The following FAM174B variants were observed in gnomAD, a reference collection of about 807,000 sequenced individuals.
FAM174B encodes the protein membrane protein FAM174B.
Under a neutral mutation model 10.9 loss-of-function variants are expected in FAM174B, and 12 were observed. The observed-to-expected ratio is 1.10, with a 90% CI of 0.71 to 1.79. The LOEUF is 1.79. Ranked by LOEUF, FAM174B falls within the 40% of genes most tolerant of loss-of-function variation. The pLI is 0.00. For missense variants in FAM174B, 266 were observed against 233.3 expected (o/e 1.14, Z -0.91); for synonymous variants, 132 against 115.8 (o/e 1.14, Z -0.90).
chr15:92,630,388 G>A (rs776020430), intron 1 of FAM174B, 43 bp from the exon 2 acceptor site: 1 of 1,565,362 alleles, frequency 6.4e-7, no homozygotes, highest in East Asian at 2.3e-5. Flanking sequence ...AGCTGGGAGA[G>A]AAAGAGTCAC....
chr15:92,640,809 C>T lies in FAM174B; in HGVS notation c.345-10464G>A, dbSNP rs180924881. Among the ~76,000 whole-genome samples the T allele has an allele frequency of 2.7e-3, 405 of 151,648 alleles. 2 individuals carry two copies. The highest frequency in any genetic ancestry group is 9.4e-3 in the African/African-American group (388 of 41,352). Reference sequence around the variant, plus strand: ...ACAGGCACACACCACCACACTCAGCCAATTTTTGTATTTTTAGTAGAGATG... The same window carrying T: ...ACAGGCACACACCACCACACTCAGCTAATTTTTGTATTTTTAGTAGAGATG... On this transcript the variant is annotated intron_variant, in intron 1 of 2. Transcript: ENST00000327355.
At chr15:92,650,096 A>T (rs984683586) in intron 1 of FAM174B, among the ~76,000 whole-genome samples, 3 of 152,230 alleles carry the variant, frequency 2.0e-5, no homozygotes, top group South Asian at 2.1e-4. Context: ...AGCAATGACA[A>T]AAAAATTTTT....
intron 1 of FAM174B, among the ~76,000 whole-genome samples, chr15:92,639,755 C>T (rs985309355): frequency 1.3e-5 from 2 of 152,022 alleles, no homozygotes; most frequent in African/African-American, 4.8e-5. Flanking sequence ...GTGATACCTC[C>T]CGCCTTGCTC....
chr15:92,626,491 G>A lies in FAM174B; in HGVS notation c.476+3723C>T, dbSNP rs529975132. On this transcript the variant is annotated intron_variant, in intron 2 of 2. Coordinates refer to ENST00000327355, the MANE Select transcript of FAM174B (RefSeq NM_207446.3). ...ATAATATTTTTTAAGAGACATCAAA[G>A]TCATGAATCATGAGATGGCGGCTTG... Among the ~76,000 whole-genome samples the A allele has an allele frequency of 2.0e-4, 31 of 152,262 alleles. No individual in the cohort carries two copies. The South Asian group carries it at 6.0e-3, about 30-fold the overall frequency.
At chr15:92,648,892 CAAT>C (rs1468469899) in intron 1 of FAM174B, among the ~76,000 whole-genome samples, 1 of 152,192 alleles carries the variant, frequency 6.6e-6, no homozygotes, top group Non-Finnish European at 1.5e-5. Flanking sequence ...TTAAGTGAAA[CAAT>C]AATAACATGA....
intron 2 of FAM174B, among the ~76,000 whole-genome samples, chr15:92,622,157 G>A (rs1171076334): frequency 1.3e-5 from 2 of 152,176 alleles, no homozygotes; most frequent in African/African-American, 4.8e-5. Flanking sequence ...GCATCCCACG[G>A]GACTGCTCTG....
At chr15:92,631,690 G>T (rs2050820038) in intron 1 of FAM174B, among the ~76,000 whole-genome samples, 1 of 149,798 alleles carries the variant, frequency 6.7e-6, no homozygotes, top group Non-Finnish European at 1.5e-5. Flanking sequence ...TGTAGAGACA[G>T]ATTTCGCCTG....
At chr15:92,651,608 T>C (rs1310569215) in intron 1 of FAM174B, among the ~76,000 whole-genome samples, 1 of 152,260 alleles carries the variant, frequency 6.6e-6, no homozygotes, top group Non-Finnish European at 1.5e-5. Context: ...CTCAATGTCA[T>C]CATTTTGAAC....
Position 92,618,650 on chromosome 15 carries a change from T to C in FAM174B, c.*806A>G, listed in dbSNP as rs2050695763. ...AGGAACAACAAAAAAGCACAAAGAA[T>C]GTTGCTAATCACAGGCTGCCTAGCA... On this transcript the variant is annotated 3_prime_UTR_variant, in exon 3 of 3. Transcript: ENST00000327355. 1 of 153,086 alleles carries C rather than the reference T, an allele frequency of 6.5e-6. No individual in the cohort carries two copies. Among genetic ancestry groups the C allele is most frequent in the African/African-American group, 2.4e-5 (1 of 41,466 alleles). 9.5% of individuals were successfully genotyped at this position (153,086 alleles called of 1,614,324 possible). A position where few individuals can be genotyped will look rare whatever the true frequency, so the allele number is the denominator to read the frequency against.
At position 92,617,833 on chromosome 15, in the gene FAM174B, G is replaced by T; in HGVS notation, c.*1623C>A. 2.0e-6 allele frequency: 1 copy of T among 495,988 alleles called. No homozygotes were observed. The highest frequency in any genetic ancestry group is 3.2e-5 in the South Asian group (1 of 31,492). 30.7% of individuals were successfully genotyped at this position (495,988 alleles called of 1,614,324 possible). ...AAAACAGAGAAGGAAAGTCAACAAA[G>T]AAGGTGAAATGCAGGGAGCAGAGAC... On this transcript the variant is annotated 3_prime_UTR_variant, in exon 3 of 3. Coordinates refer to ENST00000327355, the MANE Select transcript of FAM174B (RefSeq NM_207446.3).
At chr15:92,652,571 G>A (rs1429223110) in intron 1 of FAM174B, among the ~76,000 whole-genome samples, 1 of 152,184 alleles carries the variant, frequency 6.6e-6, no homozygotes, top group Non-Finnish European at 1.5e-5. Context: ...AGGGGTAGAA[G>A]AAGGATGAGA....
chr15:92,640,831 G>A (rs1473110052), intron 1 of FAM174B, among the ~76,000 whole-genome samples: 2 of 151,940 alleles, frequency 1.3e-5, no homozygotes. Context: ...TTTTAGTAGA[G>A]ATGGGGTTTC....
chr15:92,646,878 G>C (rs1214378060), intron 1 of FAM174B, among the ~76,000 whole-genome samples: 1 of 152,100 alleles, frequency 6.6e-6, no homozygotes, highest in Non-Finnish European at 1.5e-5. Context: ...CCAAACCAAT[G>C]TACATCTTAC....
chr15:92,623,655 C>G (rs965931126), intron 2 of FAM174B, among the ~76,000 whole-genome samples: 8 of 152,182 alleles, frequency 5.3e-5, no homozygotes, highest in Non-Finnish European at 2.9e-5. Context: ...CGTCTGGCAC[C>G]CTGGCAGCTG....
intron 1 of FAM174B, among the ~76,000 whole-genome samples, chr15:92,645,749 G>C (rs892323327): frequency 6.6e-6 from 1 of 152,126 alleles, no homozygotes; most frequent in African/African-American, 2.4e-5. Context: ...CAGGGGACCT[G>C]ACCACCACCT....
intron 1 of FAM174B, among the ~76,000 whole-genome samples, chr15:92,650,581 C>A (rs2050959711): frequency 1.3e-5 from 2 of 152,160 alleles, no homozygotes; most frequent in South Asian, 4.1e-4. Context: ...TCCTGACTTG[C>A]CCCCGCTCTG....
chr15:92,623,789 G>A (rs1225311967), intron 2 of FAM174B, among the ~76,000 whole-genome samples: 3 of 152,162 alleles, frequency 2.0e-5, no homozygotes, highest in East Asian at 1.9e-4. Flanking sequence ...ACAGAGAAAC[G>A]TGTGGACACC....
chr15:92,623,353 C>G lies in FAM174B; in HGVS notation c.477-3894G>C, dbSNP rs1375959395. Among the ~76,000 whole-genome samples the G allele has an allele frequency of 2.0e-5, 3 of 152,124 alleles. No homozygotes were observed. In the South Asian group the frequency reaches 6.2e-4, roughly 32 times the overall value. On this transcript the variant is annotated intron_variant, in intron 2 of 2. Coordinates refer to ENST00000327355, the MANE Select transcript of FAM174B (RefSeq NM_207446.3). The stretch of plus-strand genomic sequence containing the variant: ...CGGCCCCCTTCTCATCCCCCAGAAC[C>G]GCCAAACTGCTAGTGACATTCCTGC...
intron 2 of FAM174B, among the ~76,000 whole-genome samples, chr15:92,629,863 G>A (rs889062866): frequency 6.6e-6 from 1 of 152,104 alleles, no homozygotes; most frequent in African/African-American, 2.4e-5. Context: ...AAGACCTGAT[G>A]GTTTTCTAAG....
Sources: allele counts gnomAD v4.1 joint callset (sites outside exome capture counted in the v4.1 genomes callset), GRCh38; gene constraint gnomAD v4.1.1; transcripts MANE v1.5; gene names NCBI Gene and HGNC (gene_info 2026-07-23, HGNC 2026-07-21).